RAP1GAP2: variants seen among roughly 807,000 people sequenced by gnomAD.
The protein encoded by RAP1GAP2 is RAP1 GTPase activating protein 2.
Under a neutral mutation model 95.0 loss-of-function variants are expected in RAP1GAP2, and 27 were observed. That is an observed-to-expected ratio of 0.28 (90% confidence interval 0.21 to 0.39). RAP1GAP2 has a LOEUF of 0.39. Ranked by LOEUF, RAP1GAP2 falls within the 10% of genes least tolerant of loss-of-function variation. The pLI is 1.00. For synonymous variants in RAP1GAP2, 373 were observed against 380.9 expected (o/e 0.98, Z 0.24); for missense variants, 771 against 970.0 (o/e 0.79, Z 2.72).
chr17:2,771,990 A>G (rs1456339144), intron 2 of RAP1GAP2, among the ~76,000 whole-genome samples: 3 of 151,640 alleles, frequency 2.0e-5, no homozygotes, highest in African/African-American at 4.8e-5. Context: ...CTCAGCCACA[A>G]TAGTTCTCTT....
chr17:2,787,711 G>T (rs541462856), intron 1 of RAP1GAP2, among the ~76,000 whole-genome samples: 1 of 152,156 alleles, frequency 6.6e-6, no homozygotes, highest in African/African-American at 2.4e-5. Context: ...GGGAATACAG[G>T]CGCATGCCGC....
Position 2,963,448 on chromosome 17 carries a change from C to T in RAP1GAP2, c.265C>T (p.Pro89Ser). Reference protein sequence around the residue: ...QKNKDDYIPYPSIDEVVEKGG... With the variant: ...QKNKDDYIPYSSIDEVVEKGG... The stretch of plus-strand genomic sequence containing the variant: ...CTTGCAGGACGACTATATCCCATAC[C>T]CCAGCATCGACGAGGTAGGTGCCCT... The change falls in exon 6 of 25, where the codon CCC (proline) becomes TCC (serine). Residue 89 changes from proline (P) to serine (S), a missense_variant. By Grantham distance (74) the Pro-to-Ser change is moderately conservative. Transcript: ENST00000254695. The surrounding 1 kb of genome is among the most constrained non-coding windows in gnomAD (Gnocchi z 4.8). 1.9e-6 allele frequency: 3 copies of T among 1,613,850 alleles called. No individual in the cohort carries two copies. The highest frequency in any genetic ancestry group is 2.5e-6 in the Non-Finnish European group (3 of 1,179,806).
chr17:2,789,178 C>T (rs951297504), intron 1 of RAP1GAP2, among the ~76,000 whole-genome samples: 1 of 152,022 alleles, frequency 6.6e-6, no homozygotes, highest in African/African-American at 2.4e-5. Flanking sequence ...TCCCAAGTAG[C>T]TGGGACTACA....
intron 2 of RAP1GAP2, among the ~76,000 whole-genome samples, chr17:2,890,354 A>G (rs2073665489): frequency 6.6e-6 from 1 of 152,212 alleles, no homozygotes; most frequent in Admixed American, 6.5e-5. Flanking sequence ...ATTTAGTTTG[A>G]ACCAATGATG....
At chr17:2,877,533 A>G (rs2073141884) in intron 2 of RAP1GAP2, among the ~76,000 whole-genome samples, 1 of 152,116 alleles carries the variant, frequency 6.6e-6, no homozygotes, top group African/African-American at 2.4e-5. Flanking sequence ...GGATCACCTG[A>G]GGTCAGGAGT....
At chr17:2,907,630 G>T (rs1341266878) in intron 3 of RAP1GAP2, among the ~76,000 whole-genome samples, 1 of 152,098 alleles carries the variant, frequency 6.6e-6, no homozygotes, top group African/African-American at 2.4e-5. Flanking sequence ...TGATGTTTCA[G>T]CTGAGCCCTG....
At chr17:2,833,689 CAAAAAAAAAAAAAA>C (rs112909808) in intron 2 of RAP1GAP2, among the ~76,000 whole-genome samples, 9 of 53,690 alleles carry the variant, frequency 1.7e-4, no homozygotes, top group African/African-American at 3.0e-4. Flanking sequence ...GACTCCGTCT[CAAAAAAAAAAAAAA>C]AAAAAAAAGA....
At chr17:2,878,706 A>G (rs900878130) in intron 2 of RAP1GAP2, among the ~76,000 whole-genome samples, 3 of 152,230 alleles carry the variant, frequency 2.0e-5, no homozygotes, top group African/African-American at 7.2e-5. Flanking sequence ...GAAGCCAGCC[A>G]ACCCTGGCTC....
chr17:2,758,838 T>G (rs2071195718), intron 1 of RAP1GAP2, among the ~76,000 whole-genome samples: 1 of 152,176 alleles, frequency 6.6e-6, no homozygotes, highest in Non-Finnish European at 1.5e-5. Context: ...CAGGCACAGC[T>G]AGATTCAGGA....
intron 12 of RAP1GAP2, among the ~76,000 whole-genome samples, chr17:2,994,888 A>G (rs1043591907): frequency 1.3e-5 from 2 of 152,168 alleles, no homozygotes; most frequent in Non-Finnish European, 2.9e-5. Context: ...ATCTCGGCTC[A>G]CTGCAACCTC....
At chr17:2,766,060 T>C (rs897411175) in intron 1 of RAP1GAP2, among the ~76,000 whole-genome samples, 1 of 152,050 alleles carries the variant, frequency 6.6e-6, no homozygotes, top group African/African-American at 2.4e-5. Flanking sequence ...CCCACTGCAT[T>C]ATGTGGAGGA....
At chr17:3,018,647 C>A (rs1328694693) in intron 18 of RAP1GAP2, among the ~76,000 whole-genome samples, 1 of 152,190 alleles carries the variant, frequency 6.6e-6, no homozygotes, top group East Asian at 1.9e-4. Flanking sequence ...TAGACACAAT[C>A]TCACCTGCTT....
chr17:2,848,703 G>T (rs547186509), intron 2 of RAP1GAP2, among the ~76,000 whole-genome samples: 62 of 152,016 alleles, frequency 4.1e-4, no homozygotes, highest in African/African-American at 1.4e-3. Context: ...TAGTAGAGAC[G>T]GGGTTTCACC....
At chr17:2,789,630 A>ATTAGC (rs2068873774) in intron 1 of RAP1GAP2, among the ~76,000 whole-genome samples, 1 of 124,588 alleles carries the variant, frequency 8.0e-6, no homozygotes, top group African/African-American at 3.1e-5. Context: ...AAAAAAAAAA[A>ATTAGC]CATTAGCCAG....
chr17:2,959,199 C>T (rs941989014), intron 4 of RAP1GAP2, among the ~76,000 whole-genome samples: 17 of 152,144 alleles, frequency 1.1e-4, no homozygotes, highest in Non-Finnish European at 2.2e-4. Flanking sequence ...CAGCTGGAGT[C>T]CCCTTCCCAC....
chr17:2,796,434 C>T (rs777015884), upstream of RAP1GAP2: 870 of 1,411,196 alleles, frequency 6.2e-4, 2 homozygotes, highest in Non-Finnish European at 7.1e-4. This position sits in a 1 kb window ranked among gnomAD's most constrained non-coding sequence, Gnocchi z 4.7. Context: ...CGCCCTGCAC[C>T]GGCACTGACC....
Position 2,881,882 on chromosome 17 carries a change from G to A in RAP1GAP2, c.81-23402G>A, listed in dbSNP as rs143679766. On this transcript the variant is annotated intron_variant, in intron 2 of 24. Transcript: ENST00000254695. ...GTCGCCCAAGCTGGAGTGCAGTGGC[G>A]CAATCTCGGCTCACTGCAACCTCTG... is the stretch of plus-strand genomic sequence containing the variant. Among the ~76,000 whole-genome samples the A allele has an allele frequency of 8.6e-3, 1,303 of 151,980 alleles. 11 individuals carry two copies. The highest frequency in any genetic ancestry group is 0.013 in the Non-Finnish European group (903 of 67,950).
rs1475653756 is a variant in RAP1GAP2 at position 3,037,078 on chromosome 17, GGCT to G, written c.*3719_*3721del. The G allele has an allele frequency of 1.3e-5, 2 of 152,524 alleles. No homozygotes were observed. Among genetic ancestry groups the G allele is most frequent in the African/African-American group, 4.8e-5 (2 of 41,412 alleles). The allele number at this position is 152,524 out of a possible 1,614,324, so 9.4% of individuals were successfully genotyped here. ...CAAGCCTGATCCTGCAGCCTGGTGG[GGCT>G]GGCTGGGGTATTCTTTTACCAAACT... On this transcript the variant is annotated 3_prime_UTR_variant, in exon 25 of 25. Transcript: ENST00000254695.
intron 1 of RAP1GAP2, among the ~76,000 whole-genome samples, chr17:2,799,815 G>A (rs1350139981): frequency 6.6e-6 from 1 of 152,168 alleles, no homozygotes. Flanking sequence ...ATAAGGGCTG[G>A]CATATGCAGG....
Sources: gnomAD v4.1 joint callset for allele counts (sites outside exome capture counted in the v4.1 genomes callset) on GRCh38, gnomAD v4.1.1 for gene constraint, Gnocchi (gnomAD v3.1) non-coding constraint, MANE v1.5 for transcripts, NCBI Gene and HGNC (gene_info 2026-07-23, HGNC 2026-07-21) for gene names.